ULK4: variants seen among roughly 807,000 people sequenced by gnomAD.
ULK4 encodes inactive serine/threonine-protein kinase ULK4.
In ULK4, 133 loss-of-function variants were observed where a neutral mutation model predicts 160.6. The observed-to-expected ratio is 0.83, with a 90% CI of 0.72 to 0.96. ULK4 has a LOEUF of 0.96. Ranked by LOEUF, ULK4 falls within the 40% of genes least tolerant of loss-of-function variation. The pLI, the probability that ULK4 is intolerant of heterozygous loss-of-function variation, is 0.00. For missense variants in ULK4, 1,580 were observed against 1,499.5 expected, an observed-to-expected ratio of 1.05 and a Z score of -0.89; for synonymous variants, 534 against 539.8, an observed-to-expected ratio of 0.99 and a Z score of 0.15.
chr3:41,826,770 G>A (rs952182026), intron 18 of ULK4, among the ~76,000 whole-genome samples: 3 of 148,438 alleles, frequency 2.0e-5, no homozygotes, highest in African/African-American at 7.7e-5. Context: ...AGTTAACAAG[G>A]ATATCCAGGA....
At chr3:41,444,352 T>C (rs1480168095) in intron 34 of ULK4, among the ~76,000 whole-genome samples, 1 of 144,160 alleles carries the variant, frequency 6.9e-6, no homozygotes, top group African/African-American at 2.7e-5. Context: ...TCTAAATGAT[T>C]TAAGTGACTT....
chr3:41,472,190 C>T (rs55951347), intron 32 of ULK4, among the ~76,000 whole-genome samples: 5,111 of 151,808 alleles, frequency 0.034, 271 homozygotes, highest in African/African-American at 0.11. Flanking sequence ...TTGTAAACAA[C>T]TAAATGTCAA....
At chr3:41,675,012 C>T (rs997956485) in intron 29 of ULK4, among the ~76,000 whole-genome samples, 1 of 152,242 alleles carries the variant, frequency 6.6e-6, no homozygotes, top group East Asian at 1.9e-4. Context: ...GAGGCCAAGG[C>T]AGGCTGATCA....
At chr3:41,339,370 C>T (rs1158802469) in intron 35 of ULK4, among the ~76,000 whole-genome samples, 2 of 152,078 alleles carry the variant, frequency 1.3e-5, no homozygotes, top group South Asian at 2.1e-4. Context: ...GACTGGAGTG[C>T]CATGTGAAAA....
chr3:41,534,073 T>C (rs986155172), intron 32 of ULK4, among the ~76,000 whole-genome samples: 1 of 152,250 alleles, frequency 6.6e-6, no homozygotes, highest in Non-Finnish European at 1.5e-5. Flanking sequence ...CCCAAAGTGC[T>C]GGGATTACAG....
intron 30 of ULK4, among the ~76,000 whole-genome samples, chr3:41,660,064 C>T (rs542190063): frequency 6.6e-6 from 1 of 152,068 alleles, no homozygotes; most frequent in African/African-American, 2.4e-5. Flanking sequence ...GCAAGGTGGG[C>T]GTATCACCTG....
intron 3 of ULK4, among the ~76,000 whole-genome samples, chr3:41,936,797 G>A (rs933209768): frequency 1.3e-5 from 2 of 152,104 alleles, no homozygotes; most frequent in African/African-American, 2.4e-5. Flanking sequence ...TGGGGGAGTG[G>A]GGATGGTTAA....
intron 32 of ULK4, among the ~76,000 whole-genome samples, chr3:41,540,516 A>G (rs1262796997): frequency 1.3e-5 from 2 of 152,192 alleles, no homozygotes; most frequent in Non-Finnish European, 2.9e-5. Context: ...ATGTGTCTTT[A>G]TAGAAGAATG....
At chr3:41,286,239 T>A (rs1259352691) in intron 35 of ULK4, among the ~76,000 whole-genome samples, 1 of 152,172 alleles carries the variant, frequency 6.6e-6, no homozygotes, top group Non-Finnish European at 1.5e-5. Context: ...ATTACCTTCT[T>A]GAATCTTTGT....
intron 32 of ULK4, among the ~76,000 whole-genome samples, chr3:41,506,764 T>TAAAAAAAAAAAAAAAAAA (rs200785051): frequency 0.045 from 896 of 19,854 alleles, 169 homozygotes; most frequent in South Asian, 0.085. Flanking sequence ...GAGTGTGATT[T>TAAAAAAAAAAAAAAAAAA]AAAATATATA....
chr3:41,491,137 C>A (rs1474433845), intron 32 of ULK4, among the ~76,000 whole-genome samples: 2 of 152,202 alleles, frequency 1.3e-5, no homozygotes, highest in Non-Finnish European at 2.9e-5. Flanking sequence ...TTGAGGGACA[C>A]AGAGGCAGAC....
chr3:41,927,286 A>G (rs1195627367), intron 5 of ULK4, among the ~76,000 whole-genome samples: 1 of 152,178 alleles, frequency 6.6e-6, no homozygotes, highest in African/African-American at 2.4e-5. Context: ...CCTTTACAGA[A>G]AAACAAATGC....
chr3:41,932,574 G>A (rs546925040), intron 4 of ULK4, among the ~76,000 whole-genome samples: 1 of 152,190 alleles, frequency 6.6e-6, no homozygotes, highest in Non-Finnish European at 1.5e-5. Flanking sequence ...CAAGTAAAGG[G>A]TTTGTAACAG....
intron 17 of ULK4, among the ~76,000 whole-genome samples, chr3:41,839,535 T>C (rs954590182): frequency 6.6e-5 from 10 of 151,046 alleles, no homozygotes; most frequent in Admixed American, 6.6e-5. Context: ...GACATCAAAA[T>C]AATAAAGGAA....
At chr3:41,387,171 T>C (rs920230682) in intron 35 of ULK4, among the ~76,000 whole-genome samples, 4 of 152,150 alleles carry the variant, frequency 2.6e-5, no homozygotes, top group Admixed American at 2.0e-4. Flanking sequence ...TAATGTATAG[T>C]GGTCAGATCA....
chr3:41,825,443 T>C lies in ULK4; in HGVS notation c.1765-5937A>G, dbSNP rs1031154888. ...AAATTAGACAAATGGCTAACCAGAA[T>C]AACCAATGCAGAGAAGTCCTTAAAG... On this transcript the variant is annotated intron_variant, in intron 18 of 36. Coordinates refer to ENST00000301831, the MANE Select transcript of ULK4 (RefSeq NM_017886.4). Among the ~76,000 whole-genome samples, 3 of 151,968 alleles carry C rather than the reference T, an allele frequency of 2.0e-5. No individual in the cohort carries two copies. In the East Asian group the frequency reaches 5.8e-4, roughly 29 times the overall value.
chr3:41,534,273 G>A (rs953340955), intron 32 of ULK4, among the ~76,000 whole-genome samples: 2 of 152,096 alleles, frequency 1.3e-5, no homozygotes, highest in Non-Finnish European at 2.9e-5. Context: ...TTCTTTAAAT[G>A]CTTCTTTGGC....
At chr3:41,577,940 T>C (rs1286050117) in intron 31 of ULK4, among the ~76,000 whole-genome samples, 2 of 152,172 alleles carry the variant, frequency 1.3e-5, no homozygotes, top group Non-Finnish European at 2.9e-5. Flanking sequence ...TAAACACTGC[T>C]CCCTGGAGCT....
At chr3:41,531,008 C>T (rs1418608987) in intron 32 of ULK4, among the ~76,000 whole-genome samples, 2 of 151,312 alleles carry the variant, frequency 1.3e-5, no homozygotes, top group Non-Finnish European at 2.9e-5. Flanking sequence ...GTGATCTGCC[C>T]GCCTCGGCCT....
Sources: allele counts gnomAD v4.1 joint callset (sites outside exome capture counted in the v4.1 genomes callset), GRCh38; gene constraint gnomAD v4.1.1; transcripts MANE v1.5; gene names NCBI Gene and HGNC (gene_info 2026-07-23, HGNC 2026-07-21).